LTBP1: variants seen among roughly 807,000 people sequenced by gnomAD.
LTBP1 encodes the protein latent transforming growth factor beta binding protein 1.
A neutral mutation model predicts 207.6 loss-of-function variants in LTBP1; 129 were observed. That is an observed-to-expected ratio of 0.62 (90% CI 0.54 to 0.72). The LOEUF is 0.72. Ranked by LOEUF, LTBP1 falls within the 30% of genes least tolerant of loss-of-function variation. The probability of loss-of-function intolerance (pLI) is 0.00; values close to 1 mark genes in which losing one functional copy is unlikely to be tolerated. For synonymous variants in LTBP1, 963 were observed against 833.7 expected (o/e 1.16, Z -2.67); for missense variants, 2,281 against 2,217.2 (o/e 1.03, Z -0.58).
intron 3 of LTBP1, among the ~76,000 whole-genome samples, chr2:33,035,376 A>G (rs553137343): frequency 9.2e-5 from 14 of 152,328 alleles, no homozygotes; most frequent in Admixed American, 4.6e-4. Flanking sequence ...GAAAAATTAG[A>G]GAGGAAAAAC....
At chr2:33,378,050 A>G (rs1228563817) in intron 31 of LTBP1, among the ~76,000 whole-genome samples, 1 of 152,208 alleles carries the variant, frequency 6.6e-6, no homozygotes, top group Non-Finnish European at 1.5e-5. Flanking sequence ...TCTCAAAAGT[A>G]AAAGTCTTAG....
At chr2:33,087,979 T>TAA (rs983142672) in intron 3 of LTBP1, among the ~76,000 whole-genome samples, 1 of 152,214 alleles carries the variant, frequency 6.6e-6, no homozygotes. Flanking sequence ...TACGTATAGT[T>TAA]AAAATGAATT....
At chr2:33,041,734 A>G (rs2076195643) in intron 3 of LTBP1, among the ~76,000 whole-genome samples, 1 of 152,186 alleles carries the variant, frequency 6.6e-6, no homozygotes, top group African/African-American at 2.4e-5. Flanking sequence ...ATAAGGCAGG[A>G]TAGTCACCCT....
intron 22 of LTBP1, among the ~76,000 whole-genome samples, chr2:33,301,940 T>TAACACCTTATTTATGC (rs1363464718): frequency 6.6e-6 from 1 of 152,248 alleles, no homozygotes; most frequent in Non-Finnish European, 1.5e-5. Flanking sequence ...TTCTGAACTG[T>TAACACCTTATTTATGC]AACACCTTAT....
At chr2:33,381,214 A>C (rs576443244) in intron 31 of LTBP1, among the ~76,000 whole-genome samples, 27 of 152,324 alleles carry the variant, frequency 1.8e-4, no homozygotes, top group African/African-American at 6.5e-4. Flanking sequence ...TCATTATTTT[A>C]AGGTTATTGT....
At chr2:33,022,151 C>T (rs1303909016) in intron 3 of LTBP1, among the ~76,000 whole-genome samples, 1 of 152,104 alleles carries the variant, frequency 6.6e-6, no homozygotes, top group East Asian at 1.9e-4. Context: ...AGAAGTTATT[C>T]AGTCTGTTGC....
At chr2:33,076,900 C>A (rs2078113878) in intron 3 of LTBP1, among the ~76,000 whole-genome samples, 1 of 152,066 alleles carries the variant, frequency 6.6e-6, no homozygotes, top group Admixed American at 6.6e-5. Context: ...TTCCTTTGGC[C>A]AAGAGGGCAT....
At chr2:33,230,641 A>G (rs2091731842) in intron 9 of LTBP1, among the ~76,000 whole-genome samples, 1 of 152,208 alleles carries the variant, frequency 6.6e-6, no homozygotes, top group Non-Finnish European at 1.5e-5. Context: ...CTTTTCTTTA[A>G]TACTCAGTCC....
chr2:33,204,507 G>T (rs992701940), intron 7 of LTBP1, among the ~76,000 whole-genome samples: 1 of 152,194 alleles, frequency 6.6e-6, no homozygotes, highest in African/African-American at 2.4e-5. Context: ...TTTAGAATCT[G>T]CAAGCTCTAA....
intron 2 of LTBP1, among the ~76,000 whole-genome samples, chr2:32,984,704 T>C (rs113835469): frequency 0.095 from 14,415 of 151,694 alleles, 912 homozygotes; most frequent in Non-Finnish European, 0.14. Context: ...ATGGATCACC[T>C]GAGGTCAGGA....
At chr2:33,170,119 G>A (rs2085282701) in intron 5 of LTBP1, among the ~76,000 whole-genome samples, 1 of 152,184 alleles carries the variant, frequency 6.6e-6, no homozygotes. Flanking sequence ...GAGGTACCGG[G>A]TTCATCTCAC....
At chr2:33,180,428 G>T (rs1004239101) in intron 5 of LTBP1, among the ~76,000 whole-genome samples, 1 of 151,104 alleles carries the variant, frequency 6.6e-6, no homozygotes, top group African/African-American at 2.4e-5. Flanking sequence ...CAAGCATATA[G>T]GTTTGGTTTT....
At chr2:33,214,273 C>T (rs545121201) in intron 7 of LTBP1, among the ~76,000 whole-genome samples, 23 of 152,282 alleles carry the variant, frequency 1.5e-4, no homozygotes, top group Admixed American at 2.0e-4. Flanking sequence ...AGGCCTGGGT[C>T]ATTGTTCGCC....
chr2:33,228,689 G>GCTTTTTTTTTTT (rs2091593958), intron 9 of LTBP1, among the ~76,000 whole-genome samples: 2 of 79,182 alleles, frequency 2.5e-5, no homozygotes, highest in Non-Finnish European at 2.8e-5. Context: ...CCCAACCAGG[G>GCTTTTTTTTTTT]TTATACCCTT....
At chr2:33,279,150 A>G (rs367869574) in intron 18 of LTBP1, among the ~76,000 whole-genome samples, 232 of 152,348 alleles carry the variant, frequency 1.5e-3, no homozygotes, top group African/African-American at 5.2e-3. Context: ...TAAACATTAA[A>G]TCCACTCATA....
chr2:33,277,269 G>A (rs1444103000), intron 18 of LTBP1, among the ~76,000 whole-genome samples: 1 of 152,096 alleles, frequency 6.6e-6, no homozygotes, highest in African/African-American at 2.4e-5. Flanking sequence ...GTTTTATGTT[G>A]CTGGATCTCT....
chr2:33,378,319 G>C lies in LTBP1; in HGVS notation c.4712-10865G>C, dbSNP rs191633193. 2.6e-3 allele frequency among the ~76,000 whole-genome samples: 390 copies of C among 151,836 alleles called. 1 individual carries two copies. Among genetic ancestry groups the C allele is most frequent in the African/African-American group, 9.1e-3 (378 of 41,384 alleles). ...CGGCTCACTGAAACTTCTGCCTCCTGGGTTCAAGCGATTCACCTGCCACAG... is the reference window on the plus strand; with the variant it reads ...CGGCTCACTGAAACTTCTGCCTCCTCGGTTCAAGCGATTCACCTGCCACAG... On this transcript the variant is annotated intron_variant, in intron 31 of 33. Transcript: ENST00000404816.
intron 26 of LTBP1, among the ~76,000 whole-genome samples, chr2:33,356,387 T>A: frequency 6.6e-6 from 1 of 152,080 alleles, no homozygotes; most frequent in East Asian, 1.9e-4. Flanking sequence ...AGCTTTAAGA[T>A]CAGAAATGTC....
intron 5 of LTBP1, among the ~76,000 whole-genome samples, chr2:33,150,284 C>T (rs541140679): frequency 1.3e-4 from 20 of 152,188 alleles, no homozygotes; most frequent in African/African-American, 4.3e-4. Context: ...GAATGAAATG[C>T]CTGTTCTTAA....
Sources: gnomAD v4.1 joint callset for allele counts (sites outside exome capture counted in the v4.1 genomes callset) on GRCh38, gnomAD v4.1.1 for gene constraint, MANE v1.5 for transcripts, NCBI Gene and HGNC (gene_info 2026-07-23, HGNC 2026-07-21) for gene names.